Variants in TUBD1 observed in about 807,000 individuals in gnomAD.
TUBD1 encodes tubulin delta 1.
A neutral mutation model predicts 51.2 loss-of-function variants in TUBD1; 38 were observed. The ratio of observed to expected loss-of-function variants is 0.74; its 90% CI spans 0.57 to 0.97. TUBD1 has a LOEUF of 0.97. Ranked by LOEUF, TUBD1 falls within the 50% of genes least tolerant of loss-of-function variation. The probability of loss-of-function intolerance (pLI) is 0.00; values close to 1 mark genes in which losing one functional copy is unlikely to be tolerated. For missense variants in TUBD1, 489 were observed against 538.4 expected (o/e 0.91, Z 0.91); for synonymous variants, 169 against 178.2 (o/e 0.95, Z 0.41).
At chr17:59,888,992 A>ATGAGCCACC (rs1352202595) in intron 2 of TUBD1, among the ~76,000 whole-genome samples, 1 of 126,154 alleles carries the variant, frequency 7.9e-6, no homozygotes, top group Non-Finnish European at 1.6e-5. Flanking sequence ...GATTACAGGG[A>ATGAGCCACC]TGAGCCACCA....
chr17:59,868,424 G>A (rs964793471), intron 6 of TUBD1, among the ~76,000 whole-genome samples: 1 of 151,930 alleles, frequency 6.6e-6, no homozygotes, highest in Non-Finnish European at 1.5e-5. Context: ...GGCCAGGCGC[G>A]GTGGCTCATG....
rs186001883 is a variant in TUBD1 at position 59,866,711 on chromosome 17, G to A, written c.973C>T (p.Pro325Ser). The change falls in exon 7 of 9, where the codon CCT becomes TCT. Residue 325 changes from proline (P) to serine (S), a missense_variant. Physicochemically the swap from Pro to Ser is moderately conservative, Grantham distance 74 (BLOSUM62 -1). Coordinates refer to ENST00000325752, the MANE Select transcript of TUBD1 (RefSeq NM_016261.4). ...RHVWPPLSGL[P>S]PLSKMSLNKD... is the part of the protein sequence containing the mutation. Reference sequence around the variant, plus strand: ...TTGAGAGACATTTTACTAAGAGGAGGAAGTCCTGATAAAGGAGGCCATACA... The same window carrying A: ...TTGAGAGACATTTTACTAAGAGGAGAAAGTCCTGATAAAGGAGGCCATACA... 7.9e-5 allele frequency: 128 copies of A among 1,613,954 alleles called. No homozygotes were observed. In the Admixed American group the frequency reaches 8.0e-4, roughly 10 times the overall value.
intron 4 of TUBD1, chr17:59,878,851 A>G (rs2040348000): frequency 6.5e-6 from 1 of 153,998 alleles, no homozygotes; most frequent in Non-Finnish European, 1.4e-5. Flanking sequence ...CACTTAGAAC[A>G]ATGCCTTGTA....
At chr17:59,872,694 A>ATGTGTGTATGTG (rs2040040900) in intron 6 of TUBD1, among the ~76,000 whole-genome samples, 2 of 142,640 alleles carry the variant, frequency 1.4e-5, no homozygotes, top group African/African-American at 5.2e-5. Context: ...GAAAATGGGA[A>ATGTGTGTATGTG]TGTGTGTGTG....
chr17:59,861,054 T>C (rs2039419963), intron 8 of TUBD1, among the ~76,000 whole-genome samples: 1 of 152,028 alleles, frequency 6.6e-6, no homozygotes, highest in African/African-American at 2.4e-5. Flanking sequence ...GAAAAGTGCC[T>C]GAAAAGTTTC....
chr17:59,861,277 T>G (rs1324493241), intron 8 of TUBD1, among the ~76,000 whole-genome samples: 1 of 150,064 alleles, frequency 6.7e-6, no homozygotes, highest in African/African-American at 2.5e-5. Flanking sequence ...CGGCTCACTG[T>G]GACCTCTGCC....
intron 4 of TUBD1, among the ~76,000 whole-genome samples, chr17:59,879,757 T>TC (rs2144529900): frequency 6.6e-6 from 1 of 151,718 alleles, no homozygotes; most frequent in East Asian, 1.9e-4. Context: ...AAAAAATTTT[T>TC]CTTTTTTTTT....
chr17:59,863,973 G>A, intron 7 of TUBD1, 126 bp from the exon 8 acceptor site: 1 of 856,494 alleles, frequency 1.2e-6, no homozygotes, highest in Non-Finnish European at 1.6e-6. Flanking sequence ...AACTTGTGAT[G>A]GCTGGTGCAG....
chr17:59,891,541 G>A (rs532669381), intron 1 of TUBD1, among the ~76,000 whole-genome samples: 1 of 152,154 alleles, frequency 6.6e-6, no homozygotes, highest in Admixed American at 6.6e-5. Context: ...TCTCTACATG[G>A]TTTTGGGATT....
intron 6 of TUBD1, among the ~76,000 whole-genome samples, chr17:59,870,929 A>G (rs1434443514): frequency 6.6e-6 from 1 of 152,222 alleles, no homozygotes; most frequent in Non-Finnish European, 1.5e-5. Flanking sequence ...TAGATTAAAT[A>G]AAGCTTACCT....
chr17:59,878,582 C>T (rs2040335489), intron 4 of TUBD1: 2 of 355,768 alleles, frequency 5.6e-6, no homozygotes, highest in South Asian at 3.8e-5. Flanking sequence ...CCTCCCGGTT[C>T]GAGATTCTTG....
At chr17:59,888,354 A>G (rs1466789461) in intron 2 of TUBD1, among the ~76,000 whole-genome samples, 2 of 152,196 alleles carry the variant, frequency 1.3e-5, no homozygotes, top group Non-Finnish European at 2.9e-5. Flanking sequence ...AAGCCAGACT[A>G]AAGCAAGTCA....
chr17:59,885,160 C>T, intron 3 of TUBD1: 1 of 377,688 alleles, frequency 2.6e-6, no homozygotes, highest in Non-Finnish European at 5.2e-6. Flanking sequence ...AAAGGACAGG[C>T]CACTGCCCTC....
chr17:59,865,942 C>A (rs2039678623), intron 7 of TUBD1, among the ~76,000 whole-genome samples: 1 of 151,850 alleles, frequency 6.6e-6, no homozygotes, highest in Non-Finnish European at 1.5e-5. Context: ...GAAACCCCGT[C>A]TCTACTAAAA....
chr17:59,882,633 C>T (rs564575538), intron 3 of TUBD1, among the ~76,000 whole-genome samples: 3 of 151,554 alleles, frequency 2.0e-5, no homozygotes, highest in East Asian at 3.9e-4. Context: ...GGTCTTACTC[C>T]GTCACCCAGG....
chr17:59,873,398 T>A (rs193091662), intron 6 of TUBD1, among the ~76,000 whole-genome samples: 2 of 152,054 alleles, frequency 1.3e-5, no homozygotes, highest in East Asian at 3.9e-4. Context: ...TACAGGCCCA[T>A]GTCACCATGT....
intron 6 of TUBD1, among the ~76,000 whole-genome samples, chr17:59,869,651 A>C (rs2039889401): frequency 6.6e-6 from 1 of 152,126 alleles, no homozygotes; most frequent in Non-Finnish European, 1.5e-5. Flanking sequence ...AAAAACAGGT[A>C]CTATGGCCAA....
intron 6 of TUBD1, among the ~76,000 whole-genome samples, chr17:59,870,303 G>A (rs979747099): frequency 1.4e-5 from 2 of 146,072 alleles, no homozygotes; most frequent in Non-Finnish European, 3.0e-5. Flanking sequence ...AACCTGGGAG[G>A]TGGAGGTTGC....
intron 8 of TUBD1, 67 bp from the exon 9 acceptor site, chr17:59,860,491 A>G: frequency 1.0e-6 from 1 of 961,268 alleles, no homozygotes; most frequent in South Asian, 1.4e-5. Flanking sequence ...GTAACTCTTA[A>G]ACAATAAACA....
Sources: gnomAD v4.1 joint callset for allele counts (sites outside exome capture counted in the v4.1 genomes callset) on GRCh38, gnomAD v4.1.1 for gene constraint, MANE v1.5 for transcripts, NCBI Gene and HGNC (gene_info 2026-07-23, HGNC 2026-07-21) for gene names.